The following SCAI variants were observed in gnomAD, a reference collection of about 807,000 sequenced individuals.
SCAI encodes the protein protein SCAI.
SCAI carries 24 observed loss-of-function variants against 92.2 expected under a neutral mutation model. That is an observed-to-expected ratio of 0.26 (90% CI 0.19 to 0.37). The LOEUF (loss-of-function observed/expected upper bound fraction) is 0.37, where lower values mean the gene tolerates loss of function less well. Ranked by LOEUF, SCAI falls within the 10% of genes least tolerant of loss-of-function variation. The probability of loss-of-function intolerance (pLI) is 1.00; values close to 1 mark genes in which losing one functional copy is unlikely to be tolerated. For synonymous variants in SCAI, 261 were observed against 258.6 expected (o/e 1.01, Z -0.09); for missense variants, 450 against 736.2 (o/e 0.61, Z 4.50).
chr9:124,962,266 TCTC>T (rs1246089131), intron 17 of SCAI, among the ~76,000 whole-genome samples: 1 of 151,104 alleles, frequency 6.6e-6, no homozygotes, highest in African/African-American at 2.4e-5. Context: ...TTCAAGCAGT[TCTC>T]CTGTCTCAGC....
At chr9:125,090,478 AAGG>A (rs989971032) in intron 2 of SCAI, among the ~76,000 whole-genome samples, 2 of 152,010 alleles carry the variant, frequency 1.3e-5, no homozygotes, top group African/African-American at 4.8e-5. Flanking sequence ...GATGATGAAG[AAGG>A]AGAAGGAAGG....
intron 17 of SCAI, among the ~76,000 whole-genome samples, chr9:124,965,998 G>A (rs1463158129): frequency 6.6e-6 from 1 of 152,198 alleles, no homozygotes; most frequent in African/African-American, 2.4e-5. Flanking sequence ...TGCAACACTT[G>A]AGCTTACTGC....
intron 17 of SCAI, among the ~76,000 whole-genome samples, chr9:124,963,141 T>C (rs184789480): frequency 6.1e-5 from 9 of 148,740 alleles, no homozygotes; most frequent in Admixed American, 1.3e-4. Flanking sequence ...GAGAAAAGAA[T>C]TTTTTCCCCC....
At chr9:124,962,203 A>G (rs906264294) in intron 17 of SCAI, among the ~76,000 whole-genome samples, 66 of 124,206 alleles carry the variant, frequency 5.3e-4, no homozygotes, top group African/African-American at 1.9e-3. Flanking sequence ...TCTGTCGCCC[A>G]GGCTGGAGTG....
rs372216576 is a variant in SCAI at position 124,979,514 on chromosome 9, T to C, written c.1327-3328A>G. ...AAGATCATGTCACTGTACCCTAGCC[T>C]GGGCAACAGATGAAGACTCCATCTC... is the stretch of plus-strand genomic sequence containing the variant. On this transcript the variant is annotated intron_variant, in intron 14 of 17. Transcript: ENST00000336505. Among the ~76,000 whole-genome samples, 46 of 152,046 alleles carry C rather than the reference T, an allele frequency of 3.0e-4. No individual in the cohort carries two copies. The South Asian group carries it at 6.2e-3, about 21-fold the overall frequency.
At chr9:125,002,386 G>T (rs934550067) in intron 11 of SCAI, among the ~76,000 whole-genome samples, 1 of 151,898 alleles carries the variant, frequency 6.6e-6, no homozygotes, top group East Asian at 1.9e-4. Context: ...ACTTTGGGAA[G>T]AATTCTCCTA....
intron 15 of SCAI, among the ~76,000 whole-genome samples, chr9:124,974,582 G>GT (rs1831720773): frequency 6.6e-6 from 1 of 152,180 alleles, no homozygotes; most frequent in African/African-American, 2.4e-5. Context: ...TTTTGCAGAG[G>GT]TGAGTAGCAA....
At chr9:125,129,507 A>C (rs1399337088) in intron 2 of SCAI, among the ~76,000 whole-genome samples, 1 of 108,470 alleles carries the variant, frequency 9.2e-6, no homozygotes, top group Non-Finnish European at 1.7e-5. Context: ...TCTGTCACCC[A>C]GGCTGGAGTG....
intron 17 of SCAI, among the ~76,000 whole-genome samples, chr9:124,966,667 C>T (rs1028471524): frequency 6.6e-6 from 1 of 151,406 alleles, no homozygotes; most frequent in Non-Finnish European, 1.5e-5. Context: ...TTTTTTTTCT[C>T]ACTGGCACTG....
At chr9:124,983,938 A>AT (rs1397957297) in intron 14 of SCAI, among the ~76,000 whole-genome samples, 1 of 152,240 alleles carries the variant, frequency 6.6e-6, no homozygotes, top group East Asian at 1.9e-4. Context: ...TTGTGCAGGA[A>AT]TTAAACGTAT....
chr9:125,098,123 T>C (rs1386589699), intron 2 of SCAI, among the ~76,000 whole-genome samples: 3 of 151,936 alleles, frequency 2.0e-5, no homozygotes. Context: ...GGCACAATCA[T>C]AGCTCACTGC....
chr9:125,019,014 A>G, intron 8 of SCAI, 63 bp from the exon 9 acceptor site: 1 of 1,563,316 alleles, frequency 6.4e-7, no homozygotes. Context: ...AGAGTAAGCT[A>G]TTCCTTCTTC....
intron 12 of SCAI, 114 bp from the exon 13 acceptor site, chr9:125,000,104 A>G: frequency 2.0e-6 from 1 of 502,410 alleles, no homozygotes; most frequent in Non-Finnish European, 3.5e-6. Context: ...AGATAATTAC[A>G]CATTTAAATT....
intron 3 of SCAI, among the ~76,000 whole-genome samples, chr9:125,045,457 C>T (rs1833414667): frequency 6.6e-6 from 1 of 152,146 alleles, no homozygotes; most frequent in Non-Finnish European, 1.5e-5. Flanking sequence ...CCTCTCACCT[C>T]AACCTCTTGA....
intron 2 of SCAI, among the ~76,000 whole-genome samples, chr9:125,138,514 A>T (rs979111537): frequency 6.6e-6 from 1 of 151,858 alleles, no homozygotes; most frequent in Non-Finnish European, 1.5e-5. Flanking sequence ...TCCCGGGTTC[A>T]CGTCATTCTC....
chr9:125,106,116 AAAAAAAATATATATAT>A (rs1288758005), intron 2 of SCAI, among the ~76,000 whole-genome samples: 2 of 37,468 alleles, frequency 5.3e-5, no homozygotes, highest in South Asian at 1.3e-3. Context: ...AAAAAAAAAA[AAAAAAAATATATATAT>A]ATATATATAT....
chr9:125,037,757 A>C (rs1000881225), intron 3 of SCAI, among the ~76,000 whole-genome samples: 2 of 152,000 alleles, frequency 1.3e-5, no homozygotes, highest in Non-Finnish European at 2.9e-5. Context: ...TCTACTAAAC[A>C]TACAAAATAT....
At chr9:125,046,690 A>G (rs1241932913) in intron 3 of SCAI, among the ~76,000 whole-genome samples, 1 of 143,684 alleles carries the variant, frequency 7.0e-6, no homozygotes, top group African/African-American at 2.6e-5. Flanking sequence ...GTTCCCCAAA[A>G]AACTACTGAA....
At chr9:125,076,265 G>C (rs959977893) in intron 2 of SCAI, among the ~76,000 whole-genome samples, 1 of 151,994 alleles carries the variant, frequency 6.6e-6, no homozygotes, top group Non-Finnish European at 1.5e-5. Flanking sequence ...TTGGGAGGCC[G>C]AGGCAGGCAG....
Sources: gnomAD v4.1 joint callset for allele counts (sites outside exome capture counted in the v4.1 genomes callset) on GRCh38, gnomAD v4.1.1 for gene constraint, MANE v1.5 for transcripts, NCBI Gene and HGNC (gene_info 2026-07-23, HGNC 2026-07-21) for gene names.